Variants in BICRA observed in about 807,000 individuals in gnomAD.
BICRA encodes the protein BRD4 interacting chromatin remodeling complex associated protein.
In BICRA, 31 loss-of-function variants were observed where a neutral mutation model predicts 96.9. That is an observed-to-expected ratio of 0.32 (90% CI 0.24 to 0.43). The LOEUF is 0.43. Among genes scored for constraint, BICRA ranks in the 20% least tolerant of loss-of-function variants. The pLI is 1.00. For missense variants in BICRA, 2,283 were observed against 2,190.3 expected (o/e 1.04, Z -0.84); for synonymous variants, 1,350 against 1,071.8 (o/e 1.26, Z -5.07).
rs181029845 is a variant in BICRA, at chr19:47,631,379, C to T, written c.-108+22211C>T. ...AGTAGCTGGGATTACAGGCGCACGC[C>T]ACCACACCCGGCTAATTTTTGTATT... On this transcript the variant is annotated intron_variant, in intron 1 of 14. Coordinates refer to ENST00000594866, the MANE Select transcript of BICRA (RefSeq NM_001394372.1). Among the ~76,000 whole-genome samples the T allele has an allele frequency of 5.8e-4, 89 of 152,158 alleles. 3 individuals are homozygous for T. In the East Asian group the frequency reaches 0.014, roughly 25 times the overall value.
chr19:47,634,624 A>C (rs1023454012), intron 1 of BICRA, among the ~76,000 whole-genome samples: 2 of 151,952 alleles, frequency 1.3e-5, no homozygotes, highest in Non-Finnish European at 2.9e-5. Flanking sequence ...ATAAAAACCA[A>C]AACAAACAAA....
At chr19:47,685,768 TGTGTGTGTGTGTGTGTGTGCGC>T (rs1973138084) in intron 7 of BICRA, among the ~76,000 whole-genome samples, 1 of 132,304 alleles carries the variant, frequency 7.6e-6, no homozygotes, top group African/African-American at 3.0e-5. Context: ...TGTGTGTGTG[TGTGTGTGTGTGTGTGTGTGCGC>T]GCGCGCGCGC....
chr19:47,676,244 T>G (rs1235304865), intron 5 of BICRA, among the ~76,000 whole-genome samples: 1 of 151,538 alleles, frequency 6.6e-6, no homozygotes, highest in Non-Finnish European at 1.5e-5. Context: ...GGTTGTGGGG[T>G]TCACAGGGGC....
At chr19:47,689,938 AG>A (rs1302136481) in intron 7 of BICRA, among the ~76,000 whole-genome samples, 2 of 152,076 alleles carry the variant, frequency 1.3e-5, no homozygotes, top group Admixed American at 1.3e-4. Context: ...GATGCACTTT[AG>A]ACCATATCCA....
At chr19:47,611,316 C>G (rs1971903778) in intron 1 of BICRA, among the ~76,000 whole-genome samples, 1 of 152,020 alleles carries the variant, frequency 6.6e-6, no homozygotes, top group Admixed American at 6.6e-5. Context: ...GTAAGATGCA[C>G]CTCGAAGTTG....
In BICRA at chr19:47,699,236, C is replaced by G; in HGVS notation, c.3493-67C>G. On this transcript the variant is annotated intron_variant, in intron 13 of 14. Transcript: ENST00000594866. The surrounding 1 kb of genome is among the most constrained non-coding windows in gnomAD (Gnocchi z 5.0). ...CAGTTTGGACCTTGCACGCATCGTC[C>G]CCGTCGCTCGCGCCCCTTCCCCCTT... 1 of 961,214 alleles carries G rather than the reference C, an allele frequency of 1.0e-6. No individual in the cohort carries two copies. Among genetic ancestry groups the G allele is most frequent in the Middle Eastern group, 2.1e-4 (1 of 4,864 alleles). The allele number at this position is 961,214 out of a possible 1,614,324, so 59.5% of individuals were successfully genotyped here. A position where few individuals can be genotyped will look rare whatever the true frequency, so the allele number is the denominator to read the frequency against.
At position 47,694,401 on chromosome 19, in the gene BICRA, C is replaced by T. The variant is rs555645094; in HGVS notation, c.2570C>T (p.Pro857Leu). 184 of 1,041,286 alleles carry T rather than the reference C, an allele frequency of 1.8e-4. No individual in the cohort carries two copies. Among genetic ancestry groups the T allele is most frequent in the Non-Finnish European group, 5.4e-5 (37 of 681,704 alleles). The allele number at this position is 1,041,286 out of a possible 1,614,324, so 64.5% of individuals were successfully genotyped here. Reference protein sequence around the residue: ...ASNPAPTAPGPPQPPLRPQSQ... With the variant: ...ASNPAPTAPGLPQPPLRPQSQ... The stretch of plus-strand genomic sequence containing the variant: ...AACCCGGCCCCTACTGCCCCAGGCC[C>T]GCCGCAGCCGCCTCTCCGCCCCCAG... The change falls in exon 8 of 15, where the codon CCG (proline) becomes CTG (leucine). Residue 857 changes from proline (P) to leucine (L), a missense_variant. By Grantham distance (98) the Pro-to-Leu change is moderately conservative. Coordinates refer to ENST00000594866, the MANE Select transcript of BICRA (RefSeq NM_001394372.1).
chr19:47,663,792 G>GTACA (rs947972754), intron 1 of BICRA: 3 of 78,300 alleles, frequency 3.8e-5, no homozygotes, highest in Non-Finnish European at 7.8e-5. Flanking sequence ...TTGTGTCGCA[G>GTACA]TACACACACA....
intron 1 of BICRA, among the ~76,000 whole-genome samples, chr19:47,628,224 T>C (rs113340563): frequency 1.1e-3 from 170 of 152,294 alleles, no homozygotes; most frequent in African/African-American, 3.7e-3. Context: ...TGCAGACACA[T>C]TGGGCTGTGA....
chr19:47,675,638 G>T lies in BICRA; in HGVS notation c.85-213G>T, dbSNP rs1455389678. ...GATCGCTTCGCAGGCCAGGCTCGGG[G>T]ACTCAGTGCTGGGGATGCCTTGGGT... On this transcript the variant is annotated intron_variant, in intron 4 of 14. Coordinates refer to ENST00000594866, the MANE Select transcript of BICRA (RefSeq NM_001394372.1). The surrounding 1 kb of genome is among the most constrained non-coding windows in gnomAD (Gnocchi z 4.7). Among the ~76,000 whole-genome samples the T allele has an allele frequency of 1.3e-5, 2 of 152,186 alleles. No homozygotes were observed. The highest frequency in any genetic ancestry group is 2.4e-5 in the African/African-American group (1 of 41,442).
chr19:47,619,962 C>G (rs979885475), intron 1 of BICRA, among the ~76,000 whole-genome samples: 4 of 152,172 alleles, frequency 2.6e-5, no homozygotes, highest in African/African-American at 4.8e-5. Context: ...TGGTCAGTAC[C>G]TGCTCCCAGA....
chr19:47,608,761 G>C (rs1193583105), upstream of BICRA, among the ~76,000 whole-genome samples: 1 of 151,670 alleles, frequency 6.6e-6, no homozygotes, highest in East Asian at 1.9e-4. Flanking sequence ...CGCTCGGCCT[G>C]GCGGGGCCGG....
chr19:47,629,245 C>T (rs1395937870), intron 1 of BICRA, among the ~76,000 whole-genome samples: 1 of 152,068 alleles, frequency 6.6e-6, no homozygotes, highest in Non-Finnish European at 1.5e-5. Context: ...CCTCATGATC[C>T]ACCCGCCTCG....
chr19:47,695,126 A>C (rs750588380), intron 9 of BICRA, 46 bp downstream of exon 9: 2 of 1,259,256 alleles, frequency 1.6e-6, no homozygotes, highest in African/African-American at 3.0e-5. Context: ...GGGCCTGAAG[A>C]TGGGTGGGCG....
chr19:47,665,074 TTC>T lies in BICRA; in HGVS notation c.-107-5367_-107-5366del, dbSNP rs766736273. On this transcript the variant is annotated intron_variant, in intron 1 of 14. Coordinates refer to ENST00000594866, the MANE Select transcript of BICRA (RefSeq NM_001394372.1). ...CAACCTCAGTCACTGTTTCAAAAGT[TTC>T]TGAGTGTGGGGGGTAGGGGAGAGGT... is the stretch of plus-strand genomic sequence containing the variant. 1.1e-3 allele frequency among the ~76,000 whole-genome samples: 159 copies of T among 141,700 alleles called. No homozygotes were observed. The Middle Eastern group carries it at 0.014, about 13-fold the overall frequency. The allele number at this position is 141,700 out of a possible 152,430, so 93.0% of individuals were successfully genotyped here.
intron 9 of BICRA, 23 bp from the exon 10 acceptor site, chr19:47,695,342 T>TCGGGGGGCCCCCCCCCCCCCCCCCCC: frequency 1.6e-6 from 1 of 630,130 alleles, no homozygotes. Flanking sequence ...AGGCCCTGTC[T>TCGGGGGGCCCCCCCCCCCCCCCCCCC]CCCCCACCCC....
intron 1 of BICRA, among the ~76,000 whole-genome samples, chr19:47,652,435 T>A (rs965341885): frequency 3.3e-5 from 5 of 152,214 alleles, no homozygotes; most frequent in African/African-American, 9.6e-5. Flanking sequence ...GTGATCCTGC[T>A]CTCTTGGCTC....
chr19:47,694,638 C>T lies in BICRA; in HGVS notation c.2807C>T (p.Pro936Leu), dbSNP rs770217971. Reference sequence around the variant, plus strand: ...CTGGTCCCTGAGCCGGCAGCACCCCCCCCACCGCCTCCTCGGACCTTCCAG... The same window carrying T: ...CTGGTCCCTGAGCCGGCAGCACCCCTCCCACCGCCTCCTCGGACCTTCCAG... ...LHLVPEPAAP[P>L]PPPPRTFQMV... Residue 936 changes from proline (P) to leucine (L), a missense_variant, in exon 8 of 15, where the codon CCC (proline) becomes CTC (leucine). Physicochemically the swap from Pro to Leu is moderately conservative, Grantham distance 98. Coordinates refer to ENST00000594866, the MANE Select transcript of BICRA (RefSeq NM_001394372.1). The T allele has an allele frequency of 2.5e-6, 4 of 1,574,680 alleles. No individual in the cohort carries two copies. The highest frequency in any genetic ancestry group is 2.7e-5 in the African/African-American group (2 of 73,930).
chr19:47,608,717 A>G (rs915636523), upstream of BICRA, among the ~76,000 whole-genome samples: 3 of 151,150 alleles, frequency 2.0e-5, no homozygotes, highest in Non-Finnish European at 4.4e-5. Flanking sequence ...CAGTCCCCGG[A>G]CGTCCGCAGC....
Sources: allele counts gnomAD v4.1 joint callset (sites outside exome capture counted in the v4.1 genomes callset), GRCh38; gene constraint gnomAD v4.1.1; non-coding constraint Gnocchi (gnomAD v3.1); transcripts MANE v1.5; gene names NCBI Gene and HGNC (gene_info 2026-07-23, HGNC 2026-07-21).